Variants in RABEP2 observed in about 807,000 individuals in gnomAD.
The protein encoded by RABEP2 is rab GTPase-binding effector protein 2.
A neutral mutation model predicts 74.1 loss-of-function variants in RABEP2; 57 were observed. The observed-to-expected ratio is 0.77, with a 90% CI of 0.62 to 0.96. The LOEUF is 0.96. Ranked by LOEUF, RABEP2 falls within the 40% of genes least tolerant of loss-of-function variation. RABEP2 has a pLI of 0.00. For synonymous variants in RABEP2, 351 were observed against 344.0 expected (o/e 1.02, Z -0.23); for missense variants, 692 against 756.3 (o/e 0.91, Z 1.00).
intron 3 of RABEP2, among the ~76,000 whole-genome samples, chr16:28,915,844 CT>C (rs1030046004): frequency 1.2e-4 from 18 of 150,928 alleles, no homozygotes; most frequent in African/African-American, 3.7e-4. Flanking sequence ...CCCAGGACAA[CT>C]TTTTTTCTTT....
At chr16:28,905,145 AG>A in intron 12 of RABEP2, 101 bp from the exon 13 acceptor site, 1 of 964,720 alleles carries the variant, frequency 1.0e-6, no homozygotes, top group Non-Finnish European at 1.5e-6. Context: ...CAGTGGACCC[AG>A]GGGCCACCTC....
At chr16:28,924,259 C>A (rs72793828) in intron 2 of RABEP2, 144 bp downstream of exon 2, 13,959 of 744,348 alleles carry the variant, frequency 0.019, 200 homozygotes, top group Non-Finnish European at 0.025. Context: ...AAAAGGGCGG[C>A]CCTTCCTCTG....
intron 9 of RABEP2, 23 bp from the exon 10 acceptor site, chr16:28,905,901 G>A (rs201757534): frequency 1.2e-6 from 2 of 1,613,514 alleles, no homozygotes; most frequent in Non-Finnish European, 8.5e-7. Flanking sequence ...AAGAAAGAGA[G>A]GTCAAGGCCA....
intron 7 of RABEP2, among the ~76,000 whole-genome samples, chr16:28,909,463 G>T (rs975085675): frequency 6.6e-6 from 1 of 152,068 alleles, no homozygotes; most frequent in Non-Finnish European, 1.5e-5. Flanking sequence ...CTATAACCCT[G>T]GCTATGGGGG....
At position 28,914,356 on chromosome 16, in the gene RABEP2, A is replaced by G; in HGVS notation, c.774T>C (p.Pro258=). The change falls in exon 5 of 13, where the codon CCT becomes CCC. Residue 258 remains proline, a synonymous_variant. Transcript: ENST00000358201. ...SLPQSRQGLS[P]EQEETASLVS... ...CCAGCGAGGCCGTCTCTTCCTGTTC[A>G]GGGCTCAGGCCCTGGCGGCTTTGGG... is the stretch of plus-strand genomic sequence containing the variant. The G allele has an allele frequency of 6.2e-7, 1 of 1,613,448 alleles. No individual in the cohort carries two copies. The highest frequency in any genetic ancestry group is 8.5e-7 in the Non-Finnish European group (1 of 1,180,020).
intron 2 of RABEP2, among the ~76,000 whole-genome samples, chr16:28,922,344 T>G (rs1347158825): frequency 6.6e-6 from 1 of 152,178 alleles, no homozygotes; most frequent in African/African-American, 2.4e-5. Context: ...TCCAGCACTT[T>G]GGGAGGCCGA....
rs745620935 is a variant in RABEP2, at chr16:28,905,004, T to C, written c.1649A>G (p.Gln550Arg). ...CGCCTCATCCATGATGCTGCGCACTTGCTCCAGGGTCTCAGCCTGGCGGAT... is the reference window on the plus strand; with the variant it reads ...CGCCTCATCCATGATGCTGCGCACTCGCTCCAGGGTCTCAGCCTGGCGGAT... ...ERIRQAETLE[Q>R]VRSIMDEAPL... Residue 550 changes from glutamine to arginine, a missense_variant, in exon 13 of 13, where the codon CAA (glutamine) becomes CGA (arginine). Transcript: ENST00000358201. 1 of 1,611,644 alleles carries C rather than the reference T, an allele frequency of 6.2e-7. No homozygotes were observed. The highest frequency in any genetic ancestry group is 1.7e-5 in the Admixed American group (1 of 59,986).
intron 7 of RABEP2, 74 bp downstream of exon 7, chr16:28,910,814 G>T: frequency 2.3e-6 from 3 of 1,302,710 alleles, no homozygotes; most frequent in Non-Finnish European, 3.2e-6. Flanking sequence ...CTTCCCACGT[G>T]CCCCCTTCCA....
At chr16:28,923,600 A>G (rs1964496087) in intron 2 of RABEP2, among the ~76,000 whole-genome samples, 1 of 152,232 alleles carries the variant, frequency 6.6e-6, no homozygotes, top group South Asian at 2.1e-4. Context: ...ATGTGTCTAC[A>G]TTGCACAGGC....
Position 28,905,055 on chromosome 16 carries a change from G to A in RABEP2, c.1609-11C>T, listed in dbSNP as rs779974013. ...CCGCTCTAGGCGCACCTGCCGGATC[G>A]GACGAGGGGAGCAGAGTGCACTTGT... On this transcript the variant is annotated splice_polypyrimidine_tract_variant and intron_variant, in intron 12 of 12. Coordinates refer to ENST00000358201, the MANE Select transcript of RABEP2 (RefSeq NM_024816.3). The A allele has an allele frequency of 8.2e-6, 13 of 1,593,244 alleles. No individual in the cohort carries two copies. Among genetic ancestry groups the A allele is most frequent in the South Asian group, 3.3e-5 (3 of 90,500 alleles).
At chr16:28,922,872 TAACAGTGAGACACTGTCTCAGA>T (rs973889057) in intron 2 of RABEP2, among the ~76,000 whole-genome samples, 11 of 150,928 alleles carry the variant, frequency 7.3e-5, no homozygotes, top group Non-Finnish European at 1.5e-4. Context: ...CCAGTCTGGG[TAACAGTGAGACACTGTCTCAGA>T]AAAAAAAAAA....
chr16:28,925,099 G>A lies in RABEP2; in HGVS notation c.61+4C>T. 1 of 1,540,336 alleles carries A rather than the reference G, an allele frequency of 6.5e-7. No homozygotes were observed. Among genetic ancestry groups the A allele is most frequent in the Non-Finnish European group, 8.7e-7 (1 of 1,151,564 alleles). Reference sequence around the variant, plus strand: ...CCCGCTTGCACGGACGCCCCCTCACGTACCAGCCCCCGGCCGCCGCCGCCG... The same window carrying A: ...CCCGCTTGCACGGACGCCCCCTCACATACCAGCCCCCGGCCGCCGCCGCCG... On this transcript the variant is annotated splice_donor_region_variant and intron_variant, in intron 1 of 12. Coordinates refer to ENST00000358201, the MANE Select transcript of RABEP2 (RefSeq NM_024816.3).
At chr16:28,906,893 A>G (rs1407262143) in intron 8 of RABEP2, among the ~76,000 whole-genome samples, 1 of 152,170 alleles carries the variant, frequency 6.6e-6, no homozygotes, top group African/African-American at 2.4e-5. Context: ...AAGGAGGTGG[A>G]GGTTACAGTG....
chr16:28,918,331 G>A (rs1964423791), intron 3 of RABEP2, among the ~76,000 whole-genome samples: 1 of 152,122 alleles, frequency 6.6e-6, no homozygotes, highest in South Asian at 2.1e-4. Flanking sequence ...AACCAGCCTG[G>A]GCCGGGCGCG....
chr16:28,919,460 A>G (rs764392051), intron 3 of RABEP2, among the ~76,000 whole-genome samples: 1 of 152,258 alleles, frequency 6.6e-6, no homozygotes, highest in African/African-American at 2.4e-5. Context: ...AAGAGCTAAC[A>G]ATATATTACC....
intron 7 of RABEP2, among the ~76,000 whole-genome samples, chr16:28,909,226 A>C (rs1964278468): frequency 6.6e-6 from 1 of 151,818 alleles, no homozygotes. Context: ...ACAGGCGCCC[A>C]CCATCACGCC....
chr16:28,908,572 G>A (rs376511603), intron 8 of RABEP2, 37 bp downstream of exon 8: 13 of 1,559,542 alleles, frequency 8.3e-6, no homozygotes, highest in Middle Eastern at 1.8e-4. Context: ...GGGCCCTCAC[G>A]GTGGCTCCAG....
In RABEP2 at chr16:28,914,421, A is replaced by G. The variant is rs1471852193; in HGVS notation, c.709T>C (p.Phe237Leu). 1.9e-6 allele frequency: 3 copies of G among 1,613,552 alleles called. No individual in the cohort carries two copies. Among genetic ancestry groups the G allele is most frequent in the African/African-American group, 2.7e-5 (2 of 75,044 alleles). The change falls in exon 5 of 13, where the codon TTC (phenylalanine) becomes CTC (leucine). Residue 237 changes from phenylalanine (F) to leucine (L), a missense_variant. Physicochemically the swap from Phe to Leu is conservative, Grantham distance 22. Coordinates refer to ENST00000358201, the MANE Select transcript of RABEP2 (RefSeq NM_024816.3). The stretch of plus-strand genomic sequence containing the variant: ...CTGCCGACCCCACCGCCAAGGGAGA[A>G]GGAGGAGATGGAGGCGCTGTCATCG... ...NCDDSASISS[F>L]SLGGGVGSSS...
intron 5 of RABEP2, among the ~76,000 whole-genome samples, chr16:28,913,135 G>C (rs1186307834): frequency 6.6e-6 from 1 of 151,840 alleles, no homozygotes; most frequent in Non-Finnish European, 1.5e-5. Flanking sequence ...TCTCCATGTT[G>C]GTCAGGCTGG....
Sources: allele counts gnomAD v4.1 joint callset (sites outside exome capture counted in the v4.1 genomes callset), GRCh38; gene constraint gnomAD v4.1.1; transcripts MANE v1.5; gene names NCBI Gene and HGNC (gene_info 2026-07-23, HGNC 2026-07-21).